SNRPD3: variants seen among roughly 807,000 people sequenced by gnomAD.
SNRPD3 encodes the protein small nuclear ribonucleoprotein Sm D3.
For synonymous variants in SNRPD3, 66 were observed against 58.4 expected (o/e 1.13, Z -0.59); for missense variants, 73 against 167.5 (o/e 0.44, Z 3.11).
At chr22:24,565,273 T>C (rs951873669) in intron 2 of SNRPD3, among the ~76,000 whole-genome samples, 1 of 152,032 alleles carries the variant, frequency 6.6e-6, no homozygotes, top group African/African-American at 2.4e-5. Flanking sequence ...CCAGGCCATG[T>C]AAGCGTGGTG....
chr22:24,559,783 T>G (rs1156233715), intron 2 of SNRPD3, among the ~76,000 whole-genome samples: 1 of 152,140 alleles, frequency 6.6e-6, no homozygotes, highest in Non-Finnish European at 1.5e-5. Flanking sequence ...TGTATTTGTA[T>G]GCTAGTGCTA....
chr22:24,556,458 G>C (rs2045068066), intron 1 of SNRPD3, among the ~76,000 whole-genome samples: 1 of 150,986 alleles, frequency 6.6e-6, no homozygotes, highest in Admixed American at 6.6e-5. Context: ...GGATCCACCG[G>C]CCTCGGCCTT....
At chr22:24,570,511 C>T (rs185125800) in intron 3 of SNRPD3, among the ~76,000 whole-genome samples, 12 of 152,074 alleles carry the variant, frequency 7.9e-5, no homozygotes, top group African/African-American at 2.9e-4. Context: ...AGTGAAACCC[C>T]GTCTCTACTA....
intron 3 of SNRPD3, among the ~76,000 whole-genome samples, chr22:24,570,554 G>T (rs2045239859): frequency 2.6e-5 from 4 of 152,006 alleles, no homozygotes; most frequent in Admixed American, 1.3e-4. Context: ...ATGGTGGCAG[G>T]TCCCTGTAGT....
chr22:24,556,128 G>C (rs1279083134), intron 1 of SNRPD3, 57 bp downstream of exon 1: 1 of 529,130 alleles, frequency 1.9e-6, no homozygotes, highest in African/African-American at 1.9e-5. Flanking sequence ...CCAGGGGCTG[G>C]AGAAAGACTT....
chr22:24,567,297 G>C (rs1399431868), intron 2 of SNRPD3, among the ~76,000 whole-genome samples: 1 of 152,150 alleles, frequency 6.6e-6, no homozygotes, highest in African/African-American at 2.4e-5. Context: ...TTTTCGTTAG[G>C]GTTTAGCACC....
At chr22:24,568,541 T>G (rs2045217564) in intron 3 of SNRPD3, among the ~76,000 whole-genome samples, 1 of 150,854 alleles carries the variant, frequency 6.6e-6, no homozygotes, top group Non-Finnish European at 1.5e-5. Flanking sequence ...TATTTTTATT[T>G]TATTTTTAAT....
chr22:24,572,304 C>T lies in SNRPD3; in HGVS notation c.*327C>T. On this transcript the variant is annotated 3_prime_UTR_variant, in exon 4 of 4. Coordinates refer to ENST00000215829, the MANE Select transcript of SNRPD3 (RefSeq NM_004175.5). Reference sequence around the variant, plus strand: ...TGTTCCTGGCCAGTTGCAGGTTAAGCCCCAGAAAAGTTCACCTTGGAGAAG... The same window carrying T: ...TGTTCCTGGCCAGTTGCAGGTTAAGTCCCAGAAAAGTTCACCTTGGAGAAG... The T allele has an allele frequency of 6.7e-6, 4 of 600,574 alleles. No individual in the cohort carries two copies. The South Asian group carries it at 8.2e-5, about 12-fold the overall frequency. 37.2% of individuals were successfully genotyped at this position (600,574 alleles called of 1,614,324 possible).
chr22:24,570,299 A>G (rs977835511), intron 3 of SNRPD3, among the ~76,000 whole-genome samples: 1 of 152,248 alleles, frequency 6.6e-6, no homozygotes, highest in East Asian at 1.9e-4. Flanking sequence ...TCTGAGGCCT[A>G]AAGTGCCCCA....
intron 2 of SNRPD3, among the ~76,000 whole-genome samples, chr22:24,562,645 T>C (rs1025525512): frequency 1.3e-5 from 2 of 151,756 alleles, no homozygotes; most frequent in African/African-American, 4.8e-5. Flanking sequence ...CACCCAGCAG[T>C]TCAGGCTGCA....
At chr22:24,570,489 C>T (rs377718843) in intron 3 of SNRPD3, among the ~76,000 whole-genome samples, 63 of 152,190 alleles carry the variant, frequency 4.1e-4, no homozygotes, top group African/African-American at 1.5e-3. Flanking sequence ...TCGAGACCAG[C>T]CTGGCCAACA....
chr22:24,563,236 GTGTGTGTA>G lies in SNRPD3; in HGVS notation c.127-4736_127-4729del, dbSNP rs1303955948. Among the ~76,000 whole-genome samples, 658 of 81,916 alleles carry G rather than the reference GTGTGTGTA, an allele frequency of 8.0e-3. 8 individuals are homozygous for G. The highest frequency in any genetic ancestry group is 0.026 in the African/African-American group (610 of 23,648). 53.7% of individuals were successfully genotyped at this position (81,916 alleles called of 152,430 possible). On this transcript the variant is annotated intron_variant, in intron 2 of 3. Coordinates refer to ENST00000215829, the MANE Select transcript of SNRPD3 (RefSeq NM_004175.5). ...TGTGTGTGTGTGTGTGTGTGTGTGTGTGTGTGTATGTGTGTATGTATGTATATATGTAT... is the reference window on the plus strand; with the variant it reads ...TGTGTGTGTGTGTGTGTGTGTGTGTGTGTGTGTATGTATGTATATATGTAT...
chr22:24,557,691 C>T lies in SNRPD3; in HGVS notation c.17C>T (p.Pro6Leu), dbSNP rs2045092113. 6.2e-7 allele frequency: 1 copy of T among 1,612,174 alleles called. No individual in the cohort carries two copies. The stretch of plus-strand genomic sequence containing the variant: ...CCTGCCAAGATGTCTATTGGTGTGC[C>T]GATTAAAGTACTGCATGAGGCCGAG... MSIGV[P>L]IKVLHEAEGH... Residue 6 changes from proline (P) to leucine (L), a missense_variant, in exon 2 of 4, where the codon CCG becomes CTG. Coordinates refer to ENST00000215829, the MANE Select transcript of SNRPD3 (RefSeq NM_004175.5).
intron 2 of SNRPD3, among the ~76,000 whole-genome samples, chr22:24,567,100 T>C (rs1226769402): frequency 6.6e-6 from 1 of 152,190 alleles, no homozygotes; most frequent in Admixed American, 6.5e-5. Context: ...TTACAGGCCT[T>C]GTGGTACCAC....
intron 2 of SNRPD3, among the ~76,000 whole-genome samples, chr22:24,566,572 C>T (rs2045198394): frequency 6.6e-6 from 1 of 152,150 alleles, no homozygotes; most frequent in African/African-American, 2.4e-5. Context: ...CATAGTTGTT[C>T]TTTTCTGAGT....
chr22:24,558,721 C>T (rs2045103833), intron 2 of SNRPD3, among the ~76,000 whole-genome samples: 1 of 152,130 alleles, frequency 6.6e-6, no homozygotes, highest in Non-Finnish European at 1.5e-5. Context: ...GAGGATTGAG[C>T]AGGAAGAGCC....
At chr22:24,570,351 G>A (rs1307208458) in intron 3 of SNRPD3, among the ~76,000 whole-genome samples, 4 of 152,200 alleles carry the variant, frequency 2.6e-5, no homozygotes, top group Non-Finnish European at 4.4e-5. Flanking sequence ...TAGGAGTTAC[G>A]AGCTGGGAAC....
At chr22:24,571,747 A>G (rs955697331) in intron 3 of SNRPD3, among the ~76,000 whole-genome samples, 169 bp from the exon 4 acceptor site, 4 of 147,440 alleles carry the variant, frequency 2.7e-5, no homozygotes, top group African/African-American at 1.0e-4. Flanking sequence ...CCGTCTCAAA[A>G]AATAAAAAAA....
At position 24,573,488 on chromosome 22, in the gene SNRPD3, T is replaced by C. The variant is rs1601574060; in HGVS notation, c.*1511T>C. 2.0e-5 allele frequency among the ~76,000 whole-genome samples: 3 copies of C among 152,368 alleles called. No individual in the cohort carries two copies. In the South Asian group the frequency reaches 6.2e-4, roughly 32 times the overall value. ...CTGGCATCAATTAATGAGGTTCTAA[T>C]AAGCTTTGTCTTATGATACTACCTG... On this transcript the variant is annotated 3_prime_UTR_variant, in exon 4 of 4. Coordinates refer to ENST00000215829, the MANE Select transcript of SNRPD3 (RefSeq NM_004175.5).
Sources: gnomAD v4.1 joint callset for allele counts (sites outside exome capture counted in the v4.1 genomes callset) on GRCh38, gnomAD v4.1.1 for gene constraint, MANE v1.5 for transcripts, NCBI Gene and HGNC (gene_info 2026-07-23, HGNC 2026-07-21) for gene names.